Variants in PARD3B observed in about 807,000 individuals in gnomAD.
The protein encoded by PARD3B is par-3 family cell polarity regulator beta.
A neutral mutation model predicts 130.2 loss-of-function variants in PARD3B; 103 were observed. The observed-to-expected ratio is 0.79, with a 90% confidence interval of 0.67 to 0.93. PARD3B has a LOEUF of 0.93. Among genes scored for constraint, PARD3B ranks in the 40% least tolerant of loss-of-function variants. The pLI is 0.00. For synonymous variants in PARD3B, 583 were observed against 553.2 expected, an observed-to-expected ratio of 1.05 and a Z score of -0.76; for missense variants, 1,609 against 1,499.2, an observed-to-expected ratio of 1.07 and a Z score of -1.21.
chr2:205,081,551 C>A (rs1191936073), intron 4 of PARD3B, among the ~76,000 whole-genome samples: 3 of 151,940 alleles, frequency 2.0e-5, no homozygotes, highest in African/African-American at 7.2e-5. Context: ...TTAATAGATT[C>A]CCTATGTTAG....
chr2:205,111,100 A>G (rs1703615993), intron 5 of PARD3B, among the ~76,000 whole-genome samples: 2 of 152,128 alleles, frequency 1.3e-5, no homozygotes, highest in Admixed American at 6.5e-5. Context: ...GAAACAAATA[A>G]TAGATAACAT....
chr2:204,876,288 T>G (rs967712683), intron 2 of PARD3B, among the ~76,000 whole-genome samples: 1 of 152,212 alleles, frequency 6.6e-6, no homozygotes, highest in Non-Finnish European at 1.5e-5. Context: ...ATATAATAGC[T>G]TCAACTGAAT....
intron 3 of PARD3B, among the ~76,000 whole-genome samples, chr2:205,022,840 C>G (rs998898833): frequency 6.6e-6 from 1 of 152,180 alleles, no homozygotes; most frequent in African/African-American, 2.4e-5. Context: ...ACAGTATACA[C>G]CAGAAAACAG....
chr2:204,775,702 C>A (rs1574954345), intron 2 of PARD3B, among the ~76,000 whole-genome samples: 1 of 152,136 alleles, frequency 6.6e-6, no homozygotes, highest in African/African-American at 2.4e-5. Context: ...ATTTTAAAGT[C>A]CCAGATATCA....
intron 1 of PARD3B, among the ~76,000 whole-genome samples, chr2:204,620,166 T>A (rs2034248057): frequency 6.6e-6 from 1 of 152,126 alleles, no homozygotes; most frequent in Non-Finnish European, 1.5e-5. Flanking sequence ...CATGCCCGGC[T>A]AATTTTTTTA....
intron 1 of PARD3B, among the ~76,000 whole-genome samples, chr2:204,672,161 C>T (rs982789384): frequency 5.3e-5 from 8 of 152,170 alleles, no homozygotes; most frequent in Non-Finnish European, 8.8e-5. Context: ...CCTTCTCATT[C>T]GCATTCCTGA....
chr2:205,108,930 T>C (rs1384797310), intron 5 of PARD3B, among the ~76,000 whole-genome samples: 1 of 152,196 alleles, frequency 6.6e-6, no homozygotes, highest in East Asian at 1.9e-4. Flanking sequence ...TGATATAATG[T>C]CCAGAAGAAG....
intron 10 of PARD3B, among the ~76,000 whole-genome samples, chr2:205,136,932 C>G (rs2032538723): frequency 6.6e-6 from 1 of 152,116 alleles, no homozygotes; most frequent in Non-Finnish European, 1.5e-5. Flanking sequence ...TTTAGCTGAT[C>G]AAATATTTAT....
At chr2:205,314,354 CT>C in intron 18 of PARD3B, among the ~76,000 whole-genome samples, 1 of 152,140 alleles carries the variant, frequency 6.6e-6, no homozygotes, top group East Asian at 1.9e-4. Context: ...CCCCTTTTGA[CT>C]TTTGTTCCTA....
intron 3 of PARD3B, among the ~76,000 whole-genome samples, chr2:204,970,323 A>G (rs949152587): frequency 1.3e-5 from 2 of 152,214 alleles, no homozygotes; most frequent in Non-Finnish European, 2.9e-5. Flanking sequence ...CATTTAACCT[A>G]TCTCTATCAG....
rs986322875 is a variant in PARD3B, at chr2:205,010,546, AC to A, written c.395-37033del. ...TACATGAGAGCAAACACTTTCTGAGACCTTTTATTTCTAAGAAATTTTTCAC... is the reference window on the plus strand; with the variant it reads ...TACATGAGAGCAAACACTTTCTGAGACTTTTATTTCTAAGAAATTTTTCAC... On this transcript the variant is annotated intron_variant, in intron 3 of 22. Transcript: ENST00000406610. 1.3e-3 allele frequency among the ~76,000 whole-genome samples: 194 copies of A among 152,268 alleles called. 1 individual carries two copies. The highest frequency in any genetic ancestry group is 4.3e-3 in the African/African-American group (180 of 41,540).
intron 1 of PARD3B, among the ~76,000 whole-genome samples, chr2:204,552,674 G>A (rs989767241): frequency 6.6e-6 from 1 of 152,178 alleles, no homozygotes. Context: ...TGATTTTTGT[G>A]TAAGGTTGAG....
intron 16 of PARD3B, among the ~76,000 whole-genome samples, chr2:205,246,482 A>T (rs2039578603): frequency 6.6e-6 from 1 of 152,158 alleles, no homozygotes; most frequent in Non-Finnish European, 1.5e-5. Flanking sequence ...TATTCACATT[A>T]GTTGAAAACA....
rs146387813 is a variant in PARD3B, at chr2:204,851,827, G to A, written c.223-113325G>A. ...CCTGCCTCAGCCTCCCGAGTAGCTG[G>A]GATTACAGGCACCCACCACCATGCC... On this transcript the variant is annotated intron_variant, in intron 2 of 22. Transcript: ENST00000406610. 7.1e-3 allele frequency among the ~76,000 whole-genome samples: 1,079 copies of A among 151,944 alleles called. 11 individuals carry two copies. The highest frequency in any genetic ancestry group is 0.025 in the African/African-American group (1,020 of 41,444).
chr2:204,553,549 T>C (rs2030630141), intron 1 of PARD3B, among the ~76,000 whole-genome samples: 1 of 145,688 alleles, frequency 6.9e-6, no homozygotes, highest in Non-Finnish European at 1.5e-5. Flanking sequence ...TGTGTGTGTG[T>C]GTGTGTGTGT....
At chr2:204,935,207 T>C (rs1575350934) in intron 2 of PARD3B, among the ~76,000 whole-genome samples, 1 of 150,986 alleles carries the variant, frequency 6.6e-6, no homozygotes. Context: ...AAGTTTCTCA[T>C]GTTAGAGTCT....
chr2:204,601,981 G>A (rs532859182), intron 1 of PARD3B, among the ~76,000 whole-genome samples: 314 of 151,978 alleles, frequency 2.1e-3, no homozygotes, highest in African/African-American at 7.2e-3. Context: ...TAATTATGGC[G>A]ACTTTAGACA....
chr2:205,103,075 AAT>A (rs1196607370), intron 4 of PARD3B, among the ~76,000 whole-genome samples: 6 of 127,798 alleles, frequency 4.7e-5, no homozygotes, highest in Admixed American at 1.9e-4. Flanking sequence ...TAAAAATAAA[AAT>A]ATATATTTTT....
chr2:204,770,534 C>T (rs909596678), intron 2 of PARD3B, among the ~76,000 whole-genome samples: 1 of 151,920 alleles, frequency 6.6e-6, no homozygotes, highest in East Asian at 1.9e-4. Flanking sequence ...TGGTGCAGAG[C>T]TGAGTTTCTT....
Sources: gnomAD v4.1 joint callset for allele counts (sites outside exome capture counted in the v4.1 genomes callset) on GRCh38, gnomAD v4.1.1 for gene constraint, MANE v1.5 for transcripts, NCBI Gene and HGNC (gene_info 2026-07-23, HGNC 2026-07-21) for gene names.